LRP1B: variants seen among roughly 807,000 people sequenced by gnomAD.
The protein encoded by LRP1B is LDL receptor related protein 1B, also known as low-density lipoprotein receptor-related protein 1B.
LRP1B carries 217 observed loss-of-function variants against 556.6 expected under a neutral mutation model. That is an observed-to-expected ratio of 0.39 (90% CI 0.35 to 0.44). The LOEUF is 0.44. Ranked by LOEUF, LRP1B falls within the 20% of genes least tolerant of loss-of-function variation. LRP1B has a pLI of 1.00. For synonymous variants in LRP1B, 2,047 were observed against 1,865.8 expected, an observed-to-expected ratio of 1.10 and a Z score of -2.50; for missense variants, 5,053 against 5,620.8, an observed-to-expected ratio of 0.90 and a Z score of 3.23.
At chr2:140,370,054 G>A (rs1472001815) in intron 71 of LRP1B, among the ~76,000 whole-genome samples, 4 of 151,998 alleles carry the variant, frequency 2.6e-5, no homozygotes, top group South Asian at 2.1e-4. Flanking sequence ...ATTGCTTTGC[G>A]AAATAACTCT....
chr2:140,586,981 GA>G (rs749036659), intron 43 of LRP1B, among the ~76,000 whole-genome samples: 2 of 151,896 alleles, frequency 1.3e-5, no homozygotes, highest in Non-Finnish European at 2.9e-5. Flanking sequence ...CTTTAGGAAA[GA>G]AATGGAAAAT....
intron 43 of LRP1B, among the ~76,000 whole-genome samples, chr2:140,578,764 A>T (rs921877415): frequency 6.6e-5 from 10 of 152,162 alleles, no homozygotes; most frequent in Admixed American, 1.3e-4. Context: ...ATAAATAAAA[A>T]AAATCAATCC....
At chr2:140,780,425 T>G (rs1195981214) in intron 32 of LRP1B, among the ~76,000 whole-genome samples, 1 of 152,182 alleles carries the variant, frequency 6.6e-6, no homozygotes, top group African/African-American at 2.4e-5. Context: ...ATGTGTTCCA[T>G]TTCTGTCTCC....
intron 2 of LRP1B, among the ~76,000 whole-genome samples, chr2:141,564,648 T>C (rs1559143553): frequency 1.3e-5 from 2 of 152,016 alleles, no homozygotes; most frequent in Admixed American, 1.3e-4. Flanking sequence ...TCAGCATGTA[T>C]TTGAAAGAAA....
intron 37 of LRP1B, among the ~76,000 whole-genome samples, chr2:140,712,948 T>G (rs1389601093): frequency 1.3e-5 from 2 of 152,062 alleles, no homozygotes; most frequent in Non-Finnish European, 2.9e-5. Context: ...GTTGTTGTTG[T>G]TCTTTTTTTT....
intron 1 of LRP1B, among the ~76,000 whole-genome samples, chr2:142,018,872 A>G (rs7597320): frequency 0.3 from 45,130 of 151,708 alleles, 7,083 homozygotes; most frequent in Middle Eastern, 0.47. Flanking sequence ...CACTTTCTGG[A>G]TAGATATGTC....
intron 9 of LRP1B, among the ~76,000 whole-genome samples, chr2:141,058,551 T>C (rs891877813): frequency 2.0e-5 from 3 of 151,870 alleles, no homozygotes; most frequent in African/African-American, 7.3e-5. Flanking sequence ...TGATTTTAAA[T>C]TTGTCTACCA....
At chr2:141,285,480 G>A (rs1331636100) in intron 3 of LRP1B, among the ~76,000 whole-genome samples, 1 of 137,620 alleles carries the variant, frequency 7.3e-6, no homozygotes, top group African/African-American at 2.7e-5. Context: ...TTTTGAGATG[G>A]AGTGTTGTTC....
intron 6 of LRP1B, among the ~76,000 whole-genome samples, chr2:141,203,234 C>T (rs1182242148): frequency 6.6e-6 from 1 of 151,946 alleles, no homozygotes; most frequent in Non-Finnish European, 1.5e-5. Flanking sequence ...AATTAAAAGA[C>T]ACAGAGTGGC....
rs1045040222 is a variant in LRP1B, at chr2:142,130,786, C to CGGG, written c.-58_-57insCCC. The CGGG allele has an allele frequency of 7.7e-6, 9 of 1,163,388 alleles. No homozygotes were observed. In the African/African-American group the frequency reaches 1.4e-4, roughly 18 times the overall value. The allele number at this position is 1,163,388 out of a possible 1,614,324, so 72.1% of individuals were successfully genotyped here. A position where few individuals can be genotyped will look rare whatever the true frequency, so the allele number is the denominator to read the frequency against. The stretch of plus-strand genomic sequence containing the variant: ...AGACTGCTCGGCGGCACCTTCGGCC[C>CGGG]GGCGGCGGCGGCGGCGGCAGGGGCC... On this transcript the variant is annotated 5_prime_UTR_variant, in exon 1 of 91. Transcript: ENST00000389484.
intron 41 of LRP1B, among the ~76,000 whole-genome samples, chr2:140,639,194 T>C (rs1351738829): frequency 6.6e-6 from 1 of 152,200 alleles, no homozygotes; most frequent in Non-Finnish European, 1.5e-5. Context: ...GTGATAATCA[T>C]AATGTAAAAA....
chr2:140,991,324 T>C (rs1278630857), intron 16 of LRP1B, among the ~76,000 whole-genome samples: 1 of 152,126 alleles, frequency 6.6e-6, no homozygotes, highest in East Asian at 1.9e-4. Context: ...GAATAGAAAG[T>C]AGAATAACAA....
intron 7 of LRP1B, among the ~76,000 whole-genome samples, chr2:141,140,015 AAAG>A (rs1347574608): frequency 1.3e-5 from 2 of 152,150 alleles, no homozygotes; most frequent in Non-Finnish European, 2.9e-5. Context: ...CAGCAAAAAA[AAAG>A]AGATTAATTA....
intron 2 of LRP1B, among the ~76,000 whole-genome samples, chr2:141,588,318 A>G (rs1291394588): frequency 6.6e-6 from 1 of 151,750 alleles, no homozygotes; most frequent in African/African-American, 2.4e-5. Context: ...TTTTTTTTTA[A>G]TGAGCATACC....
At chr2:141,534,696 G>T (rs900478695) in intron 2 of LRP1B, among the ~76,000 whole-genome samples, 3 of 152,112 alleles carry the variant, frequency 2.0e-5, no homozygotes, top group Non-Finnish European at 4.4e-5. Context: ...GAGATAGGGA[G>T]CTTTTTACTG....
chr2:141,347,631 A>G (rs1378215613), intron 3 of LRP1B, among the ~76,000 whole-genome samples: 2 of 152,044 alleles, frequency 1.3e-5, no homozygotes, highest in East Asian at 1.9e-4. Flanking sequence ...AATAAAACCA[A>G]TTCATTTTCA....
intron 66 of LRP1B, among the ~76,000 whole-genome samples, chr2:140,438,264 C>A (rs1686274673): frequency 6.6e-6 from 1 of 152,256 alleles, no homozygotes; most frequent in African/African-American, 2.4e-5. Flanking sequence ...CTTGGCCTCC[C>A]AAAGTGCTGG....
chr2:142,065,676 G>A (rs1705084174), intron 1 of LRP1B, among the ~76,000 whole-genome samples: 4 of 148,912 alleles, frequency 2.7e-5, no homozygotes, highest in South Asian at 4.3e-4. Flanking sequence ...AGCAGGGAGG[G>A]CATTATTCTG....
At chr2:140,378,721 G>C (rs1440042553) in intron 67 of LRP1B, among the ~76,000 whole-genome samples, 1 of 152,078 alleles carries the variant, frequency 6.6e-6, no homozygotes, top group African/African-American at 2.4e-5. Context: ...TCTAGCCTTT[G>C]TATTTGACTT....
Sources: allele counts gnomAD v4.1 joint callset (sites outside exome capture counted in the v4.1 genomes callset), GRCh38; gene constraint gnomAD v4.1.1; transcripts MANE v1.5; gene names NCBI Gene and HGNC (gene_info 2026-07-23, HGNC 2026-07-21).